KRT8: variants seen among roughly 807,000 people sequenced by gnomAD.
KRT8 encodes keratin, type II cytoskeletal 8.
In KRT8, 24 loss-of-function variants were observed where a neutral mutation model predicts 43.0. The observed-to-expected ratio is 0.56, with a 90% CI of 0.40 to 0.78. The LOEUF is 0.78. KRT8 is among the 30% of genes least tolerant of loss of function. KRT8 has a pLI of 0.00. For missense variants in KRT8, 492 were observed against 638.4 expected (o/e 0.77, Z 2.47); for synonymous variants, 214 against 261.2 (o/e 0.82, Z 1.74).
rs529978315 is a variant in KRT8 at position 52,939,627 on chromosome 12, T to C, written c.-47+9829A>G. On this transcript the variant is annotated intron_variant, in intron 2 of 6. Transcript: ENST00000546826. ...ATTCCAGCTACTTAGGAGGCTGAAG[T>C]ATGAGAATCACTTGAACCCTGGAAG... Among the ~76,000 whole-genome samples the C allele has an allele frequency of 9.1e-4, 137 of 151,086 alleles. 2 individuals carry two copies. The highest frequency in any genetic ancestry group is 3.4e-3 in the Middle Eastern group (1 of 294).
chr12:52,923,858 T>TC (rs934808589), intron 2 of KRT8, among the ~76,000 whole-genome samples: 6 of 152,068 alleles, frequency 3.9e-5, no homozygotes, highest in Non-Finnish European at 8.8e-5. Flanking sequence ...TATATATTTT[T>TC]TTTTTCGAGA....
chr12:52,915,446 G>A (rs1332119658), intron 2 of KRT8, among the ~76,000 whole-genome samples: 6 of 151,574 alleles, frequency 4.0e-5, no homozygotes, highest in Admixed American at 6.6e-5. Context: ...CATGCCTCAC[G>A]CCTGTAATCC....
chr12:52,932,249 T>C (rs1034149856), intron 2 of KRT8, among the ~76,000 whole-genome samples: 1 of 151,960 alleles, frequency 6.6e-6, no homozygotes, highest in Non-Finnish European at 1.5e-5. Flanking sequence ...CAACCACACC[T>C]GGCTAATTTT....
chr12:52,902,145 CTT>C, intron 1 of KRT8, 73 bp from the exon 2 acceptor site: 2 of 925,822 alleles, frequency 2.2e-6, no homozygotes, highest in Non-Finnish European at 3.5e-6. Context: ...AGCAAGCAGT[CTT>C]TTCTCTTAAT....
In KRT8 at chr12:52,899,630, AAGCTGAACTGT is replaced by A. The variant is rs376774387; in HGVS notation, c.981+134_981+144del. Reference sequence around the variant, plus strand: ...CTTTGCTTCTCAGAAGCAGACTGAGAAGCTGAACTGTGGCTGCCCCTCCAACTCCTGAACCC... The same window carrying A: ...CTTTGCTTCTCAGAAGCAGACTGAGAGGCTGCCCCTCCAACTCCTGAACCC... On this transcript the variant is annotated intron_variant, in intron 5 of 7. Coordinates refer to ENST00000692008, the Ensembl canonical transcript of KRT8. 645 of 698,764 alleles carry A rather than the reference AAGCTGAACTGT, an allele frequency of 9.2e-4. 4 individuals are homozygous for A. In the African/African-American group the frequency reaches 0.01, roughly 11 times the overall value. 43.3% of individuals were successfully genotyped at this position (698,764 alleles called of 1,614,324 possible).
intron 2 of KRT8, among the ~76,000 whole-genome samples, chr12:52,921,145 G>A (rs1272772496): frequency 6.6e-6 from 1 of 152,178 alleles, no homozygotes; most frequent in Non-Finnish European, 1.5e-5. Context: ...TGTTAGTCAA[G>A]TTCCCATGGC....
At chr12:52,910,052 T>C (rs1018124154), upstream of KRT8, among the ~76,000 whole-genome samples, 21 of 152,098 alleles carry the variant, frequency 1.4e-4, no homozygotes, top group African/African-American at 5.1e-4. Flanking sequence ...GGTTACAGCG[T>C]GAGCCACTGC....
chr12:52,928,406 C>A (rs1454644821), intron 2 of KRT8, among the ~76,000 whole-genome samples: 3 of 152,152 alleles, frequency 2.0e-5, no homozygotes, highest in Non-Finnish European at 4.4e-5. Context: ...ACCCTTACCT[C>A]CCCTTGGAGG....
At chr12:52,903,488 T>TTA in intron 1 of KRT8, 1 of 152,332 alleles carries the variant, frequency 6.6e-6, no homozygotes, top group East Asian at 1.9e-4. Flanking sequence ...TCCTCCCGGC[T>TTA]TACTCTGCCC....
At chr12:52,930,385 C>T (rs7308146) in intron 2 of KRT8, among the ~76,000 whole-genome samples, 18,408 of 152,054 alleles carry the variant, frequency 0.12, 1,287 homozygotes, top group East Asian at 0.27. Flanking sequence ...GCCATCACAC[C>T]TAATTTTGTA....
chr12:52,911,267 G>A (rs1248296201), upstream of KRT8, among the ~76,000 whole-genome samples: 2 of 152,072 alleles, frequency 1.3e-5, no homozygotes, highest in Admixed American at 6.5e-5. Context: ...CAGAAGAATC[G>A]CTTGAACCCA....
upstream of KRT8, chr12:52,905,089 A>C: frequency 5.4e-6 from 8 of 1,473,744 alleles, no homozygotes; most frequent in Non-Finnish European, 7.2e-6. Flanking sequence ...CCTTTTATAA[A>C]AGAGATCCCA....
intron 3 of KRT8, 193 bp downstream of exon 3, chr12:52,900,966 C>A (rs1467084596): frequency 3.0e-6 from 2 of 662,660 alleles, no homozygotes; most frequent in Admixed American, 2.2e-5. Flanking sequence ...GTCCCAACAC[C>A]GATGTCAAGA....
chr12:52,898,463 G>A, exon 7 of KRT8: 1 of 1,613,422 alleles, frequency 6.2e-7, no homozygotes, highest in South Asian at 1.1e-5. Flanking sequence ...ACACCCACCT[G>A]CATAGCCGCT....
chr12:52,906,246 G>GT (rs2120591799), upstream of KRT8, among the ~76,000 whole-genome samples: 1 of 152,278 alleles, frequency 6.6e-6, no homozygotes, highest in South Asian at 2.1e-4. Context: ...GAACGCAGGG[G>GT]TTGGGGGGGG....
At chr12:52,938,170 A>ATATATATTTTT (rs1555189967) in intron 2 of KRT8, among the ~76,000 whole-genome samples, 1 of 30,320 alleles carries the variant, frequency 3.3e-5, no homozygotes, top group Non-Finnish European at 5.9e-5. Context: ...ATATATATAT[A>ATATATATTTTT]TTTTTTTTTT....
At chr12:52,927,606 C>A (rs1942015647) in intron 2 of KRT8, among the ~76,000 whole-genome samples, 1 of 152,222 alleles carries the variant, frequency 6.6e-6, no homozygotes, top group Non-Finnish European at 1.5e-5. Flanking sequence ...CTGTCCACAC[C>A]ATGCCAGCCA....
exon 4 of KRT8, chr12:52,900,636 C>T (rs1941344696): frequency 1.2e-6 from 2 of 1,613,308 alleles, no homozygotes; most frequent in Non-Finnish European, 8.5e-7. Context: ...TCAGCCCTTC[C>T]AGGCGAGACT....
chr12:52,912,886 G>T (rs1941663273), intron 2 of KRT8, among the ~76,000 whole-genome samples: 1 of 152,232 alleles, frequency 6.6e-6, no homozygotes, highest in Admixed American at 6.5e-5. Context: ...TAGCCACTTA[G>T]CACAGGCAGC....
Sources: gnomAD v4.1 joint callset for allele counts (sites outside exome capture counted in the v4.1 genomes callset) on GRCh38, gnomAD v4.1.1 for gene constraint, MANE v1.5 for transcripts, NCBI Gene and HGNC (gene_info 2026-07-23, HGNC 2026-07-21) for gene names.